OSBPL6: variants seen among roughly 807,000 people sequenced by gnomAD.
OSBPL6 encodes oxysterol binding protein like 6.
Under a neutral mutation model 125.8 loss-of-function variants are expected in OSBPL6, and 49 were observed. The ratio of observed to expected loss-of-function variants is 0.39; its 90% CI spans 0.31 to 0.49. The LOEUF (loss-of-function observed/expected upper bound fraction) is 0.49. Among genes scored for constraint, OSBPL6 ranks in the 20% least tolerant of loss-of-function variants. The pLI, the probability that OSBPL6 is intolerant of heterozygous loss-of-function variation, is 0.88. For missense variants in OSBPL6, 986 were observed against 1,135.4 expected (o/e 0.87, Z 1.89); for synonymous variants, 394 against 391.8 (o/e 1.01, Z -0.07).
chr2:178,307,842 T>G (rs996139801), intron 3 of OSBPL6, among the ~76,000 whole-genome samples: 1 of 152,176 alleles, frequency 6.6e-6, no homozygotes, highest in Admixed American at 6.5e-5. Context: ...GACGGATGAC[T>G]CCTGTAGAAA....
intron 12 of OSBPL6, among the ~76,000 whole-genome samples, chr2:178,353,456 G>A (rs1041347400): frequency 6.6e-6 from 1 of 152,182 alleles, no homozygotes; most frequent in African/African-American, 2.4e-5. Flanking sequence ...GCATGCCCAA[G>A]CTTCAGTAGC....
chr2:178,201,975 A>G (rs1256411703), intron 1 of OSBPL6, among the ~76,000 whole-genome samples: 1 of 152,224 alleles, frequency 6.6e-6, no homozygotes, highest in Non-Finnish European at 1.5e-5. Context: ...GGCAGAATCC[A>G]GATAGACTTT....
chr2:178,336,553 T>C (rs750857095), intron 9 of OSBPL6, 120 bp downstream of exon 9: 6 of 1,151,404 alleles, frequency 5.2e-6, no homozygotes, highest in Non-Finnish European at 7.4e-6. Context: ...TCTTGACCTT[T>C]CCTTGCTCTT....
intron 6 of OSBPL6, among the ~76,000 whole-genome samples, chr2:178,332,084 A>G (rs1405796504): frequency 6.6e-6 from 1 of 152,218 alleles, no homozygotes; most frequent in Non-Finnish European, 1.5e-5. Context: ...TAACACTGGA[A>G]AATTCCTTCC....
chr2:178,291,069 A>C (rs2154043754), intron 2 of OSBPL6, among the ~76,000 whole-genome samples: 1 of 152,094 alleles, frequency 6.6e-6, no homozygotes, highest in East Asian at 1.9e-4. Flanking sequence ...ATTTTTATGT[A>C]GAGAAAATCT....
intron 1 of OSBPL6, among the ~76,000 whole-genome samples, chr2:178,228,206 C>G (rs2090642739): frequency 6.6e-6 from 1 of 152,212 alleles, no homozygotes; most frequent in Admixed American, 6.5e-5. Flanking sequence ...TCCACTTTCT[C>G]TCATTCATTT....
chr2:178,377,781 A>G (rs902439258), intron 15 of OSBPL6, among the ~76,000 whole-genome samples: 3 of 152,158 alleles, frequency 2.0e-5, no homozygotes, highest in Non-Finnish European at 4.4e-5. Flanking sequence ...TGGCTGTCCT[A>G]TCTACAATTT....
intron 3 of OSBPL6, among the ~76,000 whole-genome samples, chr2:178,306,605 G>A (rs1686786244): frequency 6.6e-6 from 1 of 152,198 alleles, no homozygotes. Flanking sequence ...CGTTCATGGA[G>A]GTGGAAAGGG....
chr2:178,331,026 C>T (rs1689152245), intron 5 of OSBPL6, among the ~76,000 whole-genome samples: 1 of 152,166 alleles, frequency 6.6e-6, no homozygotes, highest in African/African-American at 2.4e-5. Flanking sequence ...GAGATGCAAG[C>T]ATATTACTAA....
At chr2:178,215,819 G>A (rs367943155) in intron 1 of OSBPL6, among the ~76,000 whole-genome samples, 1 of 152,188 alleles carries the variant, frequency 6.6e-6, no homozygotes, top group Non-Finnish European at 1.5e-5. Context: ...ATGGAGGTGT[G>A]TGGTACTGGA....
At chr2:178,365,168 C>G (rs533177379) in intron 13 of OSBPL6, among the ~76,000 whole-genome samples, 1 of 151,998 alleles carries the variant, frequency 6.6e-6, no homozygotes, top group East Asian at 2.0e-4. Context: ...GAGAGTGAAA[C>G]TCCATCTCAA....
chr2:178,377,163 C>T (rs1428392170), intron 15 of OSBPL6, among the ~76,000 whole-genome samples: 2 of 152,238 alleles, frequency 1.3e-5, no homozygotes, highest in Non-Finnish European at 2.9e-5. Flanking sequence ...TTCATTGGCT[C>T]ATGGTTCTGC....
Position 178,402,436 on chromosome 2 carries a change from G to A in OSBPL6, c.*6877G>A, listed in dbSNP as rs532706695. The A allele has an allele frequency of 8.5e-5, 13 of 152,254 alleles. No individual in the cohort carries two copies. Among genetic ancestry groups the A allele is most frequent in the South Asian group, 8.3e-4 (4 of 4,826 alleles). The allele number at this position is 152,254 out of a possible 1,614,324, so 9.4% of individuals were successfully genotyped here. ...GGGGAGTTTTTCAGTTGACTGATGA[G>A]GTCCTGACTGGTAGGGAAAGCCTGC... is the stretch of plus-strand genomic sequence containing the variant. On this transcript the variant is annotated 3_prime_UTR_variant, in exon 25 of 25. Transcript: ENST00000190611.
At chr2:178,366,112 G>A (rs1019640175) in intron 13 of OSBPL6, among the ~76,000 whole-genome samples, 2 of 152,188 alleles carry the variant, frequency 1.3e-5, no homozygotes, top group East Asian at 1.9e-4. Flanking sequence ...GGCTGGTCTC[G>A]AACTCGTGGC....
intron 1 of OSBPL6, among the ~76,000 whole-genome samples, chr2:178,215,370 G>A (rs1025289747): frequency 6.6e-6 from 1 of 152,160 alleles, no homozygotes; most frequent in Non-Finnish European, 1.5e-5. Context: ...TCTAATAAGT[G>A]GACAACTGTG....
At chr2:178,265,111 G>T (rs1171617371) in intron 1 of OSBPL6, among the ~76,000 whole-genome samples, 1 of 143,840 alleles carries the variant, frequency 7.0e-6, no homozygotes, top group Non-Finnish European at 1.5e-5. Flanking sequence ...TTAACTCCTG[G>T]TCTCAAGCAG....
intron 13 of OSBPL6, among the ~76,000 whole-genome samples, chr2:178,368,273 G>C (rs1246323486): frequency 2.0e-5 from 3 of 152,174 alleles, no homozygotes; most frequent in African/African-American, 7.2e-5. Context: ...AAGGCAAAAG[G>C]GGGAGGATGC....
chr2:178,384,745 C>T (rs1485816939), intron 18 of OSBPL6, among the ~76,000 whole-genome samples: 1 of 152,112 alleles, frequency 6.6e-6, no homozygotes, highest in Non-Finnish European at 1.5e-5. Flanking sequence ...TCCTTTGTCC[C>T]ATACCTGTGA....
rs187256015 is a variant in OSBPL6 at position 178,374,049 on chromosome 2, G to A, written c.1533+22G>A. On this transcript the variant is annotated intron_variant, in intron 15 of 24. Transcript: ENST00000190611. ...TGAGGTATGTATGCCTCCTTGACTT[G>A]TTGGCCTCAACATCTTGTGACTGAG... is the stretch of plus-strand genomic sequence containing the variant. The A allele has an allele frequency of 1.0e-4, 165 of 1,610,372 alleles. No homozygotes were observed. In the African/African-American group the frequency reaches 2.0e-3, roughly 20 times the overall value.
Sources: gnomAD v4.1 joint callset for allele counts (sites outside exome capture counted in the v4.1 genomes callset) on GRCh38, gnomAD v4.1.1 for gene constraint, MANE v1.5 for transcripts, NCBI Gene and HGNC (gene_info 2026-07-23, HGNC 2026-07-21) for gene names.